FHIP1B: variants seen among roughly 807,000 people sequenced by gnomAD.
FHIP1B encodes FHF complex subunit HOOK interacting protein 1B, also known as FHF complex subunit HOOK-interacting protein 1B.
In FHIP1B, 28 loss-of-function variants were observed where a neutral mutation model predicts 82.2. The observed-to-expected ratio is 0.34, with a 90% CI of 0.25 to 0.47. The LOEUF is 0.47. Among genes scored for constraint, FHIP1B ranks in the 20% least tolerant of loss-of-function variants. The pLI is 1.00. For synonymous variants in FHIP1B, 585 were observed against 516.1 expected (o/e 1.13, Z -1.81); for missense variants, 1,110 against 1,262.6 (o/e 0.88, Z 1.83).
At chr11:6,234,268 A>G (rs1338052862) in intron 1 of FHIP1B, among the ~76,000 whole-genome samples, 3 of 151,882 alleles carry the variant, frequency 2.0e-5, no homozygotes, top group African/African-American at 7.3e-5. Context: ...GTCCCAGGGT[A>G]TCCTTCACAC....
At chr11:6,213,586 A>G (rs910038584) in intron 11 of FHIP1B, among the ~76,000 whole-genome samples, 3 of 152,210 alleles carry the variant, frequency 2.0e-5, no homozygotes, top group Non-Finnish European at 2.9e-5. Context: ...TCCCTGTACT[A>G]AAGACAATGC....
chr11:6,211,558 G>T lies in FHIP1B; in HGVS notation c.2867C>A (p.Ser956Ter). 6.2e-7 allele frequency: 1 copy of T among 1,613,838 alleles called. No homozygotes were observed. Among genetic ancestry groups the T allele is most frequent in the East Asian group, 2.2e-5 (1 of 44,880 alleles). Residue 956 changes from serine (S) to a stop codon, truncating the protein, a stop_gained, in exon 12 of 12, where the codon TCA becomes TAA. Coordinates refer to ENST00000449352, the MANE Select transcript of FHIP1B (RefSeq NM_001098794.2). LOFTEE classifies it high-confidence loss of function. ...GATGAGAGGGCCAGATCCTTCCTCT[G>T]AAGTCTCCAACAAGAAAGGCGAGGT... The part of the protein sequence containing the change: ...AVTSPFLLET[S>*]EEGSGPLISG...
At chr11:6,212,778 CCTA>C (rs1847109066) in intron 11 of FHIP1B, among the ~76,000 whole-genome samples, 1 of 152,210 alleles carries the variant, frequency 6.6e-6, no homozygotes, top group Non-Finnish European at 1.5e-5. Context: ...TCACACTCCT[CCTA>C]CAATTTCTTT....
At chr11:6,211,911 A>G (rs1053166815) in intron 11 of FHIP1B, 44 bp from the exon 12 acceptor site, 3 of 1,507,870 alleles carry the variant, frequency 2.0e-6, no homozygotes, top group Non-Finnish European at 2.6e-6. Context: ...GGATCAGGGA[A>G]CCTCCCTTGG....
At chr11:6,228,855 T>C (rs962681598) in intron 1 of FHIP1B, among the ~76,000 whole-genome samples, 1 of 152,218 alleles carries the variant, frequency 6.6e-6, no homozygotes, top group Admixed American at 6.5e-5. Context: ...CACCCAGCTA[T>C]TTATGGTCCC....
In FHIP1B at chr11:6,224,032, G is replaced by C. The variant is rs1347927835; in HGVS notation, c.355C>G (p.Leu119Val). 1 of 1,613,780 alleles carries C rather than the reference G, an allele frequency of 6.2e-7. No homozygotes were observed. Among genetic ancestry groups the C allele is most frequent in the Non-Finnish European group, 8.5e-7 (1 of 1,179,818 alleles). Residue 119 changes from leucine (L) to valine (V), a missense_variant, in exon 3 of 12, where the codon CTT (leucine) becomes GTT (valine). Leu to Val is a conservative substitution (Grantham distance 32, BLOSUM62 1). Coordinates refer to ENST00000449352, the MANE Select transcript of FHIP1B (RefSeq NM_001098794.2). ...CGCCGTTCCTCGACCCCATCCCCAA[G>C]CTCATCCCATTGCAGCTGCCATGTC... ...VLTWQLQWDE[L>V]GDGVEERRAE...
chr11:6,224,302 T>C (rs745426873), intron 2 of FHIP1B, 54 bp from the exon 3 acceptor site: 57 of 1,613,774 alleles, frequency 3.5e-5, no homozygotes, highest in Middle Eastern at 1.6e-4. Flanking sequence ...GGTTACTAAA[T>C]GGGATGAGGA....
intron 1 of FHIP1B, among the ~76,000 whole-genome samples, chr11:6,232,528 A>G (rs985316538): frequency 6.6e-6 from 1 of 152,266 alleles, no homozygotes; most frequent in African/African-American, 2.4e-5. Context: ...ACTCTGAGAC[A>G]AAATTCTGGG....
In FHIP1B at chr11:6,223,060, G is replaced by A. The variant is rs1847460024; in HGVS notation, c.936+20C>T. 1.9e-6 allele frequency: 3 copies of A among 1,573,068 alleles called. No homozygotes were observed. The highest frequency in any genetic ancestry group is 1.4e-5 in the African/African-American group (1 of 72,812). On this transcript the variant is annotated intron_variant, in intron 4 of 11. Coordinates refer to ENST00000449352, the MANE Select transcript of FHIP1B (RefSeq NM_001098794.2). This position sits in a 1 kb window ranked among gnomAD's most constrained non-coding sequence, Gnocchi z 4.8. ...ACCTAATCTCCCAAAAATGACCAAG[G>A]GCCAGACTTTCAGTCCTACCTGAAT...
chr11:6,225,002 A>G (rs1847524483), intron 1 of FHIP1B, among the ~76,000 whole-genome samples: 1 of 152,142 alleles, frequency 6.6e-6, no homozygotes, highest in Non-Finnish European at 1.5e-5. Context: ...TTCATCAGCA[A>G]ACTCTATCAT....
intron 6 of FHIP1B, 29 bp downstream of exon 6, chr11:6,222,413 G>A (rs2133818025): frequency 6.2e-7 from 1 of 1,611,568 alleles, no homozygotes; most frequent in South Asian, 1.1e-5. Context: ...GGTCATCCAG[G>A]TAAGCTAGGA....
At position 6,223,027 on chromosome 11, in the gene FHIP1B, C is replaced by A. The variant is rs1303778699; in HGVS notation, c.936+53G>T. ...AATGACAGAACTCCAGGGAATATAC[C>A]CCCTCCTACCTAATCTCCCAAAAAT... On this transcript the variant is annotated intron_variant, in intron 4 of 11. Transcript: ENST00000449352. This position sits in a 1 kb window ranked among gnomAD's most constrained non-coding sequence, Gnocchi z 4.8. 2 of 1,573,680 alleles carry A rather than the reference C, an allele frequency of 1.3e-6. No individual in the cohort carries two copies. Among genetic ancestry groups the A allele is most frequent in the Admixed American group, 3.6e-5 (2 of 54,884 alleles).
At chr11:6,212,061 G>C in intron 11 of FHIP1B, 194 bp from the exon 12 acceptor site, 1 of 691,356 alleles carries the variant, frequency 1.4e-6, no homozygotes, top group Non-Finnish European at 1.8e-6. Flanking sequence ...TTGACTCTGA[G>C]GAGTAGAGTG....
intron 10 of FHIP1B, 45 bp from the exon 11 acceptor site, chr11:6,214,618 A>AT: frequency 6.3e-7 from 1 of 1,577,210 alleles, no homozygotes; most frequent in Non-Finnish European, 8.6e-7. Context: ...CTCTAGACTG[A>AT]TACAGTCCTT....
At chr11:6,218,289 C>G (rs548700922) in intron 8 of FHIP1B, 139 bp from the exon 9 acceptor site, 3 of 1,244,834 alleles carry the variant, frequency 2.4e-6, no homozygotes, top group African/African-American at 1.5e-5. Context: ...TCTCCAACCT[C>G]CTAATTAACC....
intron 1 of FHIP1B, among the ~76,000 whole-genome samples, chr11:6,228,032 A>T (rs1251309966): frequency 6.6e-6 from 1 of 152,204 alleles, no homozygotes; most frequent in East Asian, 1.9e-4. Flanking sequence ...CTTTCAGGAA[A>T]TTCAGTAAAA....
rs1036863584 is a variant in FHIP1B, at chr11:6,221,273, A to G, written c.1191+1169T>C. 2.0e-5 allele frequency among the ~76,000 whole-genome samples: 3 copies of G among 152,128 alleles called. 1 individual carries two copies. Among genetic ancestry groups the G allele is most frequent in the Admixed American group, 6.5e-5 (1 of 15,276 alleles). ...TCTACTATCTAGTATCTCATTATCT[A>G]GAAGTTTTCCAGAGCTCTTAGTGAT... is the stretch of plus-strand genomic sequence containing the variant. On this transcript the variant is annotated intron_variant, in intron 6 of 11. Coordinates refer to ENST00000449352, the MANE Select transcript of FHIP1B (RefSeq NM_001098794.2).
At position 6,224,614 on chromosome 11, in the gene FHIP1B, G is replaced by A. The variant is rs948748652; in HGVS notation, c.-98C>T. 1.5e-6 allele frequency: 2 copies of A among 1,323,726 alleles called. No individual in the cohort carries two copies. The highest frequency in any genetic ancestry group is 3.0e-5 in the African/African-American group (2 of 67,604). 82.0% of individuals were successfully genotyped at this position (1,323,726 alleles called of 1,614,324 possible). ...TTGTGTCTCCAGTCTGCTTCATCCG[G>A]TCTGTAGGAGCCAGTAGCTGCCCAT... is the stretch of plus-strand genomic sequence containing the variant. On this transcript the variant is annotated 5_prime_UTR_variant, in exon 2 of 12. Transcript: ENST00000449352.
chr11:6,221,312 T>C (rs1346859466), intron 6 of FHIP1B, among the ~76,000 whole-genome samples: 1 of 152,052 alleles, frequency 6.6e-6, no homozygotes, highest in East Asian at 1.9e-4. Flanking sequence ...AGAACTTCTA[T>C]TTTAAACACA....
Sources: gnomAD v4.1 joint callset for allele counts (sites outside exome capture counted in the v4.1 genomes callset) on GRCh38, gnomAD v4.1.1 for gene constraint, Gnocchi (gnomAD v3.1) non-coding constraint, MANE v1.5 for transcripts, NCBI Gene and HGNC (gene_info 2026-07-23, HGNC 2026-07-21) for gene names.